Variants in NAT9 observed in about 807,000 individuals in gnomAD.
NAT9 encodes the protein N-acetyltransferase 9.
In NAT9, 18 loss-of-function variants were observed where a neutral mutation model predicts 24.0. The observed-to-expected ratio is 0.75, with a 90% CI of 0.52 to 1.11. The LOEUF is 1.11. Among genes scored for constraint, NAT9 ranks in the 50% most tolerant of loss-of-function variants. The pLI, the probability that NAT9 is intolerant of heterozygous loss-of-function variation, is 0.00. For missense variants in NAT9, 254 were observed against 258.6 expected (o/e 0.98, Z 0.12); for synonymous variants, 104 against 102.3 (o/e 1.02, Z -0.10).
intron 4 of NAT9, chr17:74,772,568 G>A (rs1302837427): frequency 2.9e-6 from 4 of 1,403,304 alleles, no homozygotes; most frequent in African/African-American, 1.4e-5. Context: ...GAAACAGGAG[G>A]GCCTCCTCCT....
At chr17:74,775,770 C>T in intron 1 of NAT9, 63 bp from the exon 2 acceptor site, 1 of 1,409,520 alleles carries the variant, frequency 7.1e-7, no homozygotes, top group Non-Finnish European at 1.0e-6. Flanking sequence ...TTTGGGTAGG[C>T]GCTCCAGCTT....
intron 5 of NAT9, 39 bp from the exon 6 acceptor site, chr17:74,772,093 C>T: frequency 1.9e-6 from 3 of 1,614,054 alleles, no homozygotes; most frequent in Non-Finnish European, 2.5e-6. Context: ...TAAGGAGGCG[C>T]CTGCCCCCAC....
rs1567838100 is a variant in NAT9, at chr17:74,772,418, A to G, written c.335-141T>C. 3.5e-6 allele frequency: 5 copies of G among 1,433,592 alleles called. No individual in the cohort carries two copies. The South Asian group carries it at 6.8e-5, about 20-fold the overall frequency. 88.8% of individuals were successfully genotyped at this position (1,433,592 alleles called of 1,614,324 possible). On this transcript the variant is annotated intron_variant, in intron 4 of 6. Transcript: ENST00000357814. ...ATTCTGCAGACGAGGAAACAGGCACAAAGAAGTGTGAAAGGCCTCACAGCT... is the reference window on the plus strand; with the variant it reads ...ATTCTGCAGACGAGGAAACAGGCACGAAGAAGTGTGAAAGGCCTCACAGCT...
chr17:74,773,547 G>T (rs1178392864), intron 3 of NAT9, 29 bp downstream of exon 3: 3 of 1,584,274 alleles, frequency 1.9e-6, no homozygotes, highest in Admixed American at 1.7e-5. Flanking sequence ...CAGTACCAGG[G>T]CTAGGGGAAG....
At position 74,773,017 on chromosome 17, in the gene NAT9, A is replaced by T; in HGVS notation, c.213T>A (p.Asp71Glu). ...CTGGCTGGGCCTGCCACTTCTCGGCATCCAGCACAATGAAGGTACACTCTG... is the reference window on the plus strand; with the variant it reads ...CTGGCTGGGCCTGCCACTTCTCGGCTTCCAGCACAATGAAGGTACACTCTG... The part of the protein sequence containing the change: ...DADKCTFIVL[D>E]AEKWQAQPGA... The change falls in exon 4 of 7, where the codon GAT becomes GAA. Residue 71 changes from aspartate (D) to glutamate (E), a missense_variant. By Grantham distance (45) the Asp-to-Glu change is conservative (BLOSUM62 2). Coordinates refer to ENST00000357814, the MANE Select transcript of NAT9 (RefSeq NM_015654.5). 6 of 1,614,028 alleles carry T rather than the reference A, an allele frequency of 3.7e-6. No individual in the cohort carries two copies. Among genetic ancestry groups the T allele is most frequent in the Non-Finnish European group, 5.1e-6 (6 of 1,179,998 alleles).
In NAT9 at chr17:74,772,999, G is replaced by A. The variant is rs1297846363; in HGVS notation, c.231C>T (p.Ala77=). 3 of 1,613,762 alleles carry A rather than the reference G, an allele frequency of 1.9e-6. No individual in the cohort carries two copies. The highest frequency in any genetic ancestry group is 2.2e-5 in the East Asian group (1 of 44,872). The part of the protein sequence containing the change: ...FIVLDAEKWQ[A]QPGATEESCM... ...AGCTCTCTTCGGTGGCGCCTGGCTG[G>A]GCCTGCCACTTCTCGGCATCCAGCA... The change falls in exon 4 of 7, where the codon GCC becomes GCT. Residue 77 remains alanine (A), a synonymous_variant. Coordinates refer to ENST00000357814, the MANE Select transcript of NAT9 (RefSeq NM_015654.5).
chr17:74,775,495 C>G, intron 2 of NAT9, 127 bp downstream of exon 2: 30 of 755,714 alleles, frequency 4.0e-5, no homozygotes, highest in Middle Eastern at 2.9e-4. Flanking sequence ...AGCCTTTTTT[C>G]CCCCCTCATA....
chr17:74,771,495 C>A lies in NAT9; in HGVS notation c.*229G>T. 1.6e-6 allele frequency: 1 copy of A among 636,658 alleles called. No homozygotes were observed. The highest frequency in any genetic ancestry group is 2.0e-5 in the South Asian group (1 of 49,274). The allele number at this position is 636,658 out of a possible 1,614,324, so 39.4% of individuals were successfully genotyped here. On this transcript the variant is annotated 3_prime_UTR_variant, in exon 7 of 7. Coordinates refer to ENST00000357814, the MANE Select transcript of NAT9 (RefSeq NM_015654.5). Reference sequence around the variant, plus strand: ...CATTCCAGCTTCCTAGAGTCTGGGTCTGGGTTTGGCCGGGAGGGGAGAAGG... The same window carrying A: ...CATTCCAGCTTCCTAGAGTCTGGGTATGGGTTTGGCCGGGAGGGGAGAAGG...
At position 74,772,204 on chromosome 17, in the gene NAT9, T is replaced by C. The variant is rs757883587; in HGVS notation, c.394+14A>G. On this transcript the variant is annotated intron_variant, in intron 5 of 6. Transcript: ENST00000357814. ...CCTGCCCACTTCCCGCATTGTCTGCTCACACTTTCTTACCGTAAGACAGCA... is the reference window on the plus strand; with the variant it reads ...CCTGCCCACTTCCCGCATTGTCTGCCCACACTTTCTTACCGTAAGACAGCA... 23 of 1,614,072 alleles carry C rather than the reference T, an allele frequency of 1.4e-5. 1 individual carries two copies. In the South Asian group the frequency reaches 2.4e-4, roughly 17 times the overall value.
At position 74,771,537 on chromosome 17, in the gene NAT9, T is replaced by C; in HGVS notation, c.*187A>G. 1.1e-6 allele frequency: 1 copy of C among 920,918 alleles called. No individual in the cohort carries two copies. The highest frequency in any genetic ancestry group is 1.6e-6 in the Non-Finnish European group (1 of 628,386). The allele number at this position is 920,918 out of a possible 1,614,324, so 57.0% of individuals were successfully genotyped here. Reference sequence around the variant, plus strand: ...GGGAGAAGGGAACTGGCCCTGGCCCTGGAGTCTGCTCAGCCACACCACTAG... The same window carrying C: ...GGGAGAAGGGAACTGGCCCTGGCCCCGGAGTCTGCTCAGCCACACCACTAG... On this transcript the variant is annotated 3_prime_UTR_variant, in exon 7 of 7. Coordinates refer to ENST00000357814, the MANE Select transcript of NAT9 (RefSeq NM_015654.5).
intron 3 of NAT9, 69 bp downstream of exon 3, chr17:74,773,507 C>T (rs949000097): frequency 2.6e-5 from 36 of 1,382,710 alleles, no homozygotes; most frequent in Admixed American, 5.1e-5. Context: ...AGGGAAGGAA[C>T]CTGGAGACTG....
At chr17:74,772,847 A>G in intron 4 of NAT9, 49 bp downstream of exon 4, 2 of 1,610,154 alleles carry the variant, frequency 1.2e-6, no homozygotes, top group Non-Finnish European at 1.7e-6. Context: ...CTCAGTCAGC[A>G]GATCTGAGAG....
chr17:74,772,502 G>C, intron 4 of NAT9: 1 of 1,424,280 alleles, frequency 7.0e-7, no homozygotes, highest in Non-Finnish European at 9.1e-7. Flanking sequence ...TCAGTATGCT[G>C]CCTCATGGGG....
rs2035235900 is a variant in NAT9, at chr17:74,771,823, G to A, written c.525C>T (p.Leu175=). The stretch of plus-strand genomic sequence containing the variant: ...GCTCGGACTCACTCACTGTCAGTCT[G>A]AGGGTCACCTCCTGAAAAACACTGC... The part of the protein sequence containing the change: ...ATSSVFQEVT[L]RLTVSESEHQ... Residue 175 remains leucine (L), a synonymous_variant, in exon 7 of 7, where the codon CTC becomes CTT. Transcript: ENST00000357814. The A allele has an allele frequency of 1.9e-6, 3 of 1,614,086 alleles. No homozygotes were observed. Among genetic ancestry groups the A allele is most frequent in the African/African-American group, 1.3e-5 (1 of 74,930 alleles).
rs1214509780 is a variant in NAT9 at position 74,771,752 on chromosome 17, T to TAAGGCTTCTCTTC, written c.583_595dup (p.Tyr199Ter). On this transcript the variant is annotated stop_gained and frameshift_variant, in exon 7 of 7. Transcript: ENST00000357814. LOFTEE classifies it high-confidence loss of function. Reference sequence around the variant, plus strand: ...GCAGGGCTCTGCCGACCCATCTCTGTAAGGCTTCTCTTCCACGTGGCTGGT... The same window carrying TAAGGCTTCTCTTC: ...GCAGGGCTCTGCCGACCCATCTCTGTAAGGCTTCTCTTCAAGGCTTCTCTTCCACGTGGCTGGT... 6.2e-7 allele frequency: 1 copy of TAAGGCTTCTCTTC among 1,613,874 alleles called. No homozygotes were observed. The highest frequency in any genetic ancestry group is 1.3e-5 in the African/African-American group (1 of 74,938).
chr17:74,772,338 G>A (rs1850135639), intron 4 of NAT9, 61 bp from the exon 5 acceptor site: 3 of 1,592,620 alleles, frequency 1.9e-6, no homozygotes, highest in Non-Finnish European at 2.6e-6. Flanking sequence ...CGGGCACTTG[G>A]CAGACACCAT....
At chr17:74,772,692 G>A (rs971035569) in intron 4 of NAT9, 3 of 1,127,240 alleles carry the variant, frequency 2.7e-6, no homozygotes, top group African/African-American at 1.6e-5. Context: ...TCACGCCTAA[G>A]CATAAGGACT....
At position 74,773,020 on chromosome 17, in the gene NAT9, C is replaced by T; in HGVS notation, c.210G>A (p.Leu70=). The part of the protein sequence containing the change: ...EDADKCTFIV[L]DAEKWQAQPG... ...GCTGGGCCTGCCACTTCTCGGCATC[C>T]AGCACAATGAAGGTACACTCTGAGG... Residue 70 remains leucine (L), a synonymous_variant, in exon 4 of 7, where the codon CTG becomes CTA. Coordinates refer to ENST00000357814, the MANE Select transcript of NAT9 (RefSeq NM_015654.5). 6.2e-7 allele frequency: 1 copy of T among 1,613,972 alleles called. No individual in the cohort carries two copies. Among genetic ancestry groups the T allele is most frequent in the Non-Finnish European group, 8.5e-7 (1 of 1,179,976 alleles).
chr17:74,775,566 G>T, intron 2 of NAT9, 56 bp downstream of exon 2: 2 of 1,459,444 alleles, frequency 1.4e-6, no homozygotes, highest in Non-Finnish European at 1.9e-6. Context: ...GACTGGGGCT[G>T]TACCTTACAC....
Sources: gnomAD v4.1 joint callset for allele counts on GRCh38, gnomAD v4.1.1 for gene constraint, MANE v1.5 for transcripts, NCBI Gene and HGNC (gene_info 2026-07-23, HGNC 2026-07-21) for gene names.